Variants in FKBP5 observed in about 807,000 individuals in gnomAD.
FKBP5 encodes peptidyl-prolyl cis-trans isomerase FKBP5.
A neutral mutation model predicts 50.5 loss-of-function variants in FKBP5; 23 were observed. That is an observed-to-expected ratio of 0.46 (90% CI 0.33 to 0.65). The LOEUF (loss-of-function observed/expected upper bound fraction) is 0.65, where lower values mean the gene tolerates loss of function less well. Among genes scored for constraint, FKBP5 ranks in the 30% least tolerant of loss-of-function variants. The probability of loss-of-function intolerance (pLI) is 0.02; values close to 1 mark genes in which losing one functional copy is unlikely to be tolerated. For synonymous variants in FKBP5, 176 were observed against 190.6 expected, an observed-to-expected ratio of 0.92 and a Z score of 0.63; for missense variants, 411 against 553.1, an observed-to-expected ratio of 0.74 and a Z score of 2.58.
At chr6:35,618,278 T>C (rs1763718023) in intron 5 of FKBP5, among the ~76,000 whole-genome samples, 1 of 152,232 alleles carries the variant, frequency 6.6e-6, no homozygotes, top group African/African-American at 2.4e-5. Context: ...TTACTTTGTA[T>C]TCATTTTTGA....
chr6:35,582,470 G>GC (rs373314834), intron 8 of FKBP5: 1 of 352,264 alleles, frequency 2.8e-6, no homozygotes, highest in African/African-American at 2.2e-5. Flanking sequence ...GGTGCTTGCT[G>GC]CCCTCTGCCC....
At chr6:35,687,328 A>G (rs998229864) in intron 1 of FKBP5, among the ~76,000 whole-genome samples, 3 of 152,202 alleles carry the variant, frequency 2.0e-5, no homozygotes, top group African/African-American at 7.2e-5. Flanking sequence ...ACTGTCAGGC[A>G]GAGGTCAGCT....
At chr6:35,719,863 G>C (rs1322553438) in intron 2 of FKBP5, among the ~76,000 whole-genome samples, 1 of 152,224 alleles carries the variant, frequency 6.6e-6, no homozygotes, top group South Asian at 2.1e-4. Context: ...TTTCTGGGAG[G>C]GGGGTTTCCG....
At chr6:35,643,532 C>T (rs1048659291) in intron 1 of FKBP5, among the ~76,000 whole-genome samples, 2 of 152,176 alleles carry the variant, frequency 1.3e-5, no homozygotes, top group African/African-American at 4.8e-5. Flanking sequence ...GCATTCAAGG[C>T]CCTTCACAAT....
At position 35,605,295 on chromosome 6, in the gene FKBP5, C is replaced by A. The variant is rs11969602; in HGVS notation, c.509-7891G>T. Among the ~76,000 whole-genome samples, 1,093 of 150,126 alleles carry A rather than the reference C, an allele frequency of 7.3e-3. 11 individuals are homozygous for A. The highest frequency in any genetic ancestry group is 0.023 in the African/African-American group (941 of 40,894). ...ATCAGCATAAAGCATTCAATAAAATCCAACATCCCTTCATTATAAAAAACC... is the reference window on the plus strand; with the variant it reads ...ATCAGCATAAAGCATTCAATAAAATACAACATCCCTTCATTATAAAAAACC... On this transcript the variant is annotated intron_variant, in intron 5 of 10. Transcript: ENST00000357266.
intron 1 of FKBP5, among the ~76,000 whole-genome samples, chr6:35,672,847 G>A (rs964352608): frequency 2.0e-5 from 3 of 151,734 alleles, no homozygotes; most frequent in African/African-American, 7.3e-5. Flanking sequence ...GGAGAATGGC[G>A]TGAACCTGAG....
chr6:35,589,092 T>TTATATATATATATTTTTA (rs1762714533), intron 7 of FKBP5, among the ~76,000 whole-genome samples: 50 of 135,956 alleles, frequency 3.7e-4, no homozygotes, highest in African/African-American at 1.4e-3. Flanking sequence ...ATATATATTT[T>TTATATATATATATTTTTA]TATATATATA....
intron 3 of FKBP5, among the ~76,000 whole-genome samples, chr6:35,624,646 C>T (rs1295937403): frequency 2.6e-5 from 4 of 152,110 alleles, no homozygotes; most frequent in Admixed American, 1.3e-4. Flanking sequence ...AGTTGGCCCA[C>T]GTCCTAATAA....
chr6:35,581,624 C>G, intron 8 of FKBP5: 1 of 980,540 alleles, frequency 1.0e-6, no homozygotes, highest in Non-Finnish European at 1.2e-6. Flanking sequence ...AAACAAAACC[C>G]CTCCAGGGCT....
chr6:35,615,016 C>T (rs769469783), intron 5 of FKBP5, among the ~76,000 whole-genome samples: 37 of 151,726 alleles, frequency 2.4e-4, no homozygotes, highest in Non-Finnish European at 1.6e-4. Flanking sequence ...CCCAGCTACT[C>T]CGGAGACTGA....
At chr6:35,624,514 G>C (rs1763938915) in intron 3 of FKBP5, among the ~76,000 whole-genome samples, 1 of 151,438 alleles carries the variant, frequency 6.6e-6, no homozygotes, top group African/African-American at 2.4e-5. Context: ...TTTTGTCTAA[G>C]CCCAGAGGAA....
In FKBP5 at chr6:35,688,915, T is replaced by C. The variant is rs1224017845; in HGVS notation, c.-131A>G. On this transcript the variant is annotated 5_prime_UTR_variant, in exon 1 of 11. Transcript: ENST00000357266. ...CGCGCCGGACACCGCCGCCCGAGAC[T>C]GGCAGCGCCCGCGAGCCGGCCCGAA... 3.3e-5 allele frequency: 5 copies of C among 150,348 alleles called. No individual in the cohort carries two copies. Among genetic ancestry groups the C allele is most frequent in the African/African-American group, 9.8e-5 (4 of 40,774 alleles). The allele number at this position is 150,348 out of a possible 1,614,324, so 9.3% of individuals were successfully genotyped here. A position where few individuals can be genotyped will look rare whatever the true frequency, so the allele number is the denominator to read the frequency against.
chr6:35,619,921 C>T (rs1041074114), intron 4 of FKBP5, among the ~76,000 whole-genome samples: 2 of 152,128 alleles, frequency 1.3e-5, no homozygotes, highest in African/African-American at 4.8e-5. Context: ...TTGGATATGA[C>T]CTTTTTGTGC....
At chr6:35,576,861 G>C (rs1762234910) in intron 10 of FKBP5, 133 bp downstream of exon 10, 2 of 1,119,096 alleles carry the variant, frequency 1.8e-6, no homozygotes, top group Non-Finnish European at 2.6e-6. Flanking sequence ...ATCCAAAGCA[G>C]CCTCAGATTA....
chr6:35,722,927 A>G (rs917043396), intron 1 of FKBP5, among the ~76,000 whole-genome samples: 2 of 152,236 alleles, frequency 1.3e-5, no homozygotes, highest in African/African-American at 4.8e-5. Context: ...CACACACAGT[A>G]GGTGCTTAAT....
At position 35,675,343 on chromosome 6, in the gene FKBP5, G is replaced by A. The variant is rs900609490; in HGVS notation, c.-20+13461C>T. On this transcript the variant is annotated intron_variant, in intron 1 of 10. Coordinates refer to ENST00000357266, the MANE Select transcript of FKBP5 (RefSeq NM_004117.4). ...ATATAGCATTTTGGGAGGCCGAGGC[G>A]GGTGGATCACAAAGTCAGGAGTTTG... Among the ~76,000 whole-genome samples, 10 of 152,266 alleles carry A rather than the reference G, an allele frequency of 6.6e-5. No homozygotes were observed. The South Asian group carries it at 1.0e-3, about 16-fold the overall frequency.
At chr6:35,692,900 C>A (rs1259114981), upstream of FKBP5, among the ~76,000 whole-genome samples, 2 of 151,486 alleles carry the variant, frequency 1.3e-5, no homozygotes, top group Non-Finnish European at 2.9e-5. Flanking sequence ...AATTCTCAGA[C>A]ATTATATGTT....
chr6:35,584,287 G>A (rs553891474), intron 8 of FKBP5: 53 of 985,360 alleles, frequency 5.4e-5, no homozygotes, highest in Admixed American at 3.1e-4. Flanking sequence ...CATCTTCAAT[G>A]GCAAAATCAT....
chr6:35,618,534 A>G (rs1361042650), intron 5 of FKBP5, among the ~76,000 whole-genome samples: 1 of 151,680 alleles, frequency 6.6e-6, no homozygotes, highest in Non-Finnish European at 1.5e-5. Context: ...ACCACACTTG[A>G]CTAATTCTCT....
Sources: gnomAD v4.1 joint callset for allele counts (sites outside exome capture counted in the v4.1 genomes callset) on GRCh38, gnomAD v4.1.1 for gene constraint, MANE v1.5 for transcripts, NCBI Gene and HGNC (gene_info 2026-07-23, HGNC 2026-07-21) for gene names.